Variants in ABCA4 observed in about 807,000 individuals in gnomAD.
ABCA4 encodes ATP binding cassette subfamily A member 4, also known as retinal-specific phospholipid-transporting ATPase ABCA4.
ABCA4 carries 196 observed loss-of-function variants against 263.7 expected under a neutral mutation model. The observed-to-expected ratio is 0.74, with a 90% confidence interval of 0.66 to 0.84. The LOEUF (loss-of-function observed/expected upper bound fraction) is 0.84, where lower values mean the gene tolerates loss of function less well. ABCA4 is among the 40% of genes least tolerant of loss of function. The pLI is 0.00. For missense variants in ABCA4, 2,792 were observed against 2,855.1 expected (o/e 0.98, Z 0.50); for synonymous variants, 1,133 against 1,094.2 (o/e 1.04, Z -0.70).
intron 5 of ABCA4, 64 bp from the exon 6 acceptor site, chr1:94,099,055 C>G (rs1662220460): frequency 6.6e-7 from 1 of 1,522,422 alleles, no homozygotes; most frequent in Non-Finnish European, 8.9e-7. Flanking sequence ...ACGTCCTAAC[C>G]CACAGAACCT....
chr1:94,064,806 C>T (rs776723851), intron 11 of ABCA4, among the ~76,000 whole-genome samples: 6 of 152,108 alleles, frequency 3.9e-5, no homozygotes, highest in African/African-American at 7.2e-5. Context: ...AGGGCTTCCC[C>T]GGACACGTGC....
rs530523707 is a variant in ABCA4, at chr1:94,010,555, T to C, written c.5714+245A>G. The C allele has an allele frequency of 1.8e-4, 112 of 631,256 alleles. No individual in the cohort carries two copies. In the East Asian group the frequency reaches 3.0e-3, roughly 17 times the overall value. The allele number at this position is 631,256 out of a possible 1,614,324, so 39.1% of individuals were successfully genotyped here. A position where few individuals can be genotyped will look rare whatever the true frequency, so the allele number is the denominator to read the frequency against. On this transcript the variant is annotated intron_variant, in intron 40 of 49. Transcript: ENST00000370225. ...TGGTAATTAAATGAGAAGGATTAAA[T>C]ATCAGCAATTGAAATTAATAGCACT...
rs281865400 is a variant in ABCA4 at position 94,044,743 on chromosome 1, A to C, written c.2920T>G (p.Ser974Ala). The C allele has an allele frequency of 6.2e-7, 1 of 1,614,172 alleles. No homozygotes were observed. The change falls in exon 20 of 50, where the codon TCC becomes GCC. Residue 974 changes from serine (S) to alanine (A), a missense_variant and splice_region_variant. Physicochemically the swap from Ser to Ala is moderately conservative, Grantham distance 99. Transcript: ENST00000370225. ...HNGAGKTTTL[S>A]ILTGLLPPTS... ...GGTGGCAACAGACCCGTCAGGATGGACCTGCAGAACACAGGCGTCAGTGGC... is the reference window on the plus strand; with the variant it reads ...GGTGGCAACAGACCCGTCAGGATGGCCCTGCAGAACACAGGCGTCAGTGGC...
At chr1:94,033,096 A>G (rs1251213638) in intron 26 of ABCA4, among the ~76,000 whole-genome samples, 2 of 152,174 alleles carry the variant, frequency 1.3e-5, no homozygotes, top group South Asian at 2.1e-4. Context: ...AAGTGACTCA[A>G]TCTGCCTAAA....
intron 19 of ABCA4, among the ~76,000 whole-genome samples, chr1:94,045,490 G>C (rs985921266): frequency 1.3e-5 from 2 of 152,158 alleles, no homozygotes; most frequent in Admixed American, 1.3e-4. Context: ...GGGGGAAGTT[G>C]CATGTCAGCA....
chr1:94,041,512 CTA>C, intron 22 of ABCA4, 110 bp from the exon 23 acceptor site: 1 of 1,111,356 alleles, frequency 9.0e-7, no homozygotes, highest in Non-Finnish European at 1.2e-6. Flanking sequence ...CAGGAGTTAA[CTA>C]AAAAAAAAAA....
intron 19 of ABCA4, chr1:94,045,954 G>T: frequency 2.2e-6 from 1 of 456,236 alleles, no homozygotes; most frequent in African/African-American, 2.0e-5. Context: ...GGAGAGTGGG[G>T]CGCCTGCGGA....
At chr1:94,036,898 A>G in intron 25 of ABCA4, 110 bp from the exon 26 acceptor site, 1 of 1,086,522 alleles carries the variant, frequency 9.2e-7, no homozygotes, top group Non-Finnish European at 1.4e-6. Context: ...AAGAAAATCC[A>G]TTACGACTCT....
chr1:94,053,449 A>G (rs1660891770), intron 16 of ABCA4, among the ~76,000 whole-genome samples: 1 of 152,262 alleles, frequency 6.6e-6, no homozygotes, highest in African/African-American at 2.4e-5. Context: ...TCAAGAAAAA[A>G]GATACCAGAG....
chr1:94,090,357 T>TA (rs200087268), intron 6 of ABCA4, among the ~76,000 whole-genome samples: 612 of 140,150 alleles, frequency 4.4e-3, no homozygotes, highest in Middle Eastern at 0.011. Flanking sequence ...TGGAGCCAAT[T>TA]AAAAAAAAAA....
chr1:94,053,075 G>A (rs1199515032), intron 16 of ABCA4, among the ~76,000 whole-genome samples: 1 of 152,206 alleles, frequency 6.6e-6, no homozygotes, highest in Non-Finnish European at 1.5e-5. Flanking sequence ...GAGCTTTTGG[G>A]TTGCTGAACA....
intron 11 of ABCA4, among the ~76,000 whole-genome samples, chr1:94,072,904 C>A (rs1418217185): frequency 6.6e-6 from 1 of 152,086 alleles, no homozygotes; most frequent in Non-Finnish European, 1.5e-5. Flanking sequence ...AGATTGCAGA[C>A]CCTATTGTGG....
intron 4 of ABCA4, among the ~76,000 whole-genome samples, chr1:94,107,766 A>G (rs1662481550): frequency 6.6e-6 from 1 of 152,110 alleles, no homozygotes; most frequent in Non-Finnish European, 1.5e-5. Context: ...GGGGCCAGTC[A>G]TCACCCACCC....
At chr1:94,062,182 C>A (rs569254038) in intron 13 of ABCA4, among the ~76,000 whole-genome samples, 28 of 152,204 alleles carry the variant, frequency 1.8e-4, no homozygotes, top group African/African-American at 6.3e-4. Flanking sequence ...GGAACCAGAC[C>A]TACTGGCCAT....
chr1:94,113,108 A>AAGAGATTAT (rs772246589), intron 1 of ABCA4, 42 bp from the exon 2 acceptor site: 2 of 1,582,474 alleles, frequency 1.3e-6, no homozygotes. Context: ...CAGTGGTGCT[A>AAGAGATTAT]AGAGATTATA....
At position 94,105,992 on chromosome 1, in the gene ABCA4, C is replaced by A. The variant is rs2101150247; in HGVS notation, c.442+2585G>T. On this transcript the variant is annotated intron_variant, in intron 4 of 49. Transcript: ENST00000370225. ...CACAGTGAGCAGCGCCCCGGTGAAT[C>A]TCAACAGACTGAAACAGCCTGTGTT... Among the ~76,000 whole-genome samples, 3 of 152,344 alleles carry A rather than the reference C, an allele frequency of 2.0e-5. No individual in the cohort carries two copies. The South Asian group carries it at 6.2e-4, about 32-fold the overall frequency.
At chr1:94,010,510 A>G (rs1453264000) in intron 40 of ABCA4, 1 of 506,246 alleles carries the variant, frequency 2.0e-6, no homozygotes, top group Non-Finnish European at 3.6e-6. Context: ...CAATACTATC[A>G]TCTAATCAAA....
intron 2 of ABCA4, among the ~76,000 whole-genome samples, chr1:94,112,639 C>CA (rs1174583057): frequency 1.3e-5 from 2 of 151,916 alleles, no homozygotes; most frequent in Non-Finnish European, 2.9e-5. Context: ...CCACAAAAAA[C>CA]AAAAAAATTA....
chr1:94,031,149 T>C (rs1355503515), intron 27 of ABCA4, 29 bp from the exon 28 acceptor site: 3 of 1,613,590 alleles, frequency 1.9e-6, no homozygotes, highest in Non-Finnish European at 2.5e-6. Context: ...GGAATAAACA[T>C]GACTGTGGCA....
Sources: allele counts gnomAD v4.1 joint callset (sites outside exome capture counted in the v4.1 genomes callset), GRCh38; gene constraint gnomAD v4.1.1; transcripts MANE v1.5; gene names NCBI Gene and HGNC (gene_info 2026-07-23, HGNC 2026-07-21).